The following ROR2 variants were observed in gnomAD, a reference collection of about 807,000 sequenced individuals.
ROR2 encodes tyrosine-protein kinase transmembrane receptor ROR2.
In ROR2, 33 loss-of-function variants were observed where a neutral mutation model predicts 74.9. That is an observed-to-expected ratio of 0.44 (90% CI 0.33 to 0.59). The LOEUF (loss-of-function observed/expected upper bound fraction) is 0.59, where lower values mean the gene tolerates loss of function less well. Among genes scored for constraint, ROR2 ranks in the 20% least tolerant of loss-of-function variants. The probability of loss-of-function intolerance (pLI) is 0.02; values close to 1 mark genes in which losing one functional copy is unlikely to be tolerated. For missense variants in ROR2, 1,216 were observed against 1,313.8 expected (o/e 0.93, Z 1.15); for synonymous variants, 586 against 558.7 (o/e 1.05, Z -0.69).
chr9:91,860,732 G>GT (rs1323330526), intron 1 of ROR2, among the ~76,000 whole-genome samples: 1 of 151,982 alleles, frequency 6.6e-6, no homozygotes, highest in Non-Finnish European at 1.5e-5. Context: ...CACCTTTTTT[G>GT]TTCTATCCAG....
At chr9:91,934,110 G>GC (rs1349476362) in intron 1 of ROR2, among the ~76,000 whole-genome samples, 1 of 152,090 alleles carries the variant, frequency 6.6e-6, no homozygotes, top group Non-Finnish European at 1.5e-5. Context: ...TATGGATGCG[G>GC]GGGGGCGAGT....
chr9:91,907,346 ACCAAATGGACACAGCTG>A (rs1227256513), intron 1 of ROR2, among the ~76,000 whole-genome samples: 1 of 152,126 alleles, frequency 6.6e-6, no homozygotes, highest in Non-Finnish European at 1.5e-5. Context: ...TCCTTCCCAA[ACCAAATGGACACAGCTG>A]TGTCCAAAAT....
intron 1 of ROR2, among the ~76,000 whole-genome samples, chr9:91,911,882 C>T (rs1830990672): frequency 8.0e-6 from 1 of 124,660 alleles, no homozygotes; most frequent in African/African-American, 3.1e-5. Context: ...TGCTACAACA[C>T]AACATTGTAT....
intron 1 of ROR2, among the ~76,000 whole-genome samples, chr9:91,935,374 T>C (rs1413231914): frequency 1.3e-5 from 2 of 152,212 alleles, no homozygotes; most frequent in South Asian, 2.1e-4. Flanking sequence ...GCTTTGGAGA[T>C]GGAACAAAAG....
At chr9:91,850,473 A>G (rs1386305344) in intron 1 of ROR2, among the ~76,000 whole-genome samples, 1 of 152,136 alleles carries the variant, frequency 6.6e-6, no homozygotes, top group East Asian at 1.9e-4. Context: ...ACAAGAAAAG[A>G]CTGTGACGCT....
chr9:91,885,639 G>A (rs1248346667), intron 1 of ROR2, among the ~76,000 whole-genome samples: 1 of 152,108 alleles, frequency 6.6e-6, no homozygotes, highest in African/African-American at 2.4e-5. Flanking sequence ...AGAAATAACA[G>A]GGAACCCTAA....
At chr9:91,784,126 T>A (rs577575769) in intron 1 of ROR2, among the ~76,000 whole-genome samples, 1 of 152,198 alleles carries the variant, frequency 6.6e-6, no homozygotes, top group Admixed American at 6.5e-5. Flanking sequence ...CAGCCCGGCC[T>A]CCCGTTACAC....
At chr9:91,748,852 C>G (rs1825515110) in intron 4 of ROR2, among the ~76,000 whole-genome samples, 1 of 152,064 alleles carries the variant, frequency 6.6e-6, no homozygotes. Flanking sequence ...CATGGTGGAA[C>G]CCTGTCTCTA....
chr9:91,934,426 A>G (rs1010343804), intron 1 of ROR2, among the ~76,000 whole-genome samples: 22 of 152,238 alleles, frequency 1.4e-4, no homozygotes, highest in Non-Finnish European at 2.6e-4. Context: ...GGCCCCAGCC[A>G]AAACTCCCCG....
At chr9:91,818,877 T>A (rs1828035749) in intron 1 of ROR2, among the ~76,000 whole-genome samples, 1 of 151,090 alleles carries the variant, frequency 6.6e-6, no homozygotes, top group Non-Finnish European at 1.5e-5. Context: ...GCCCTACCCA[T>A]GAGCAGCTTG....
chr9:91,946,774 C>G (rs543448983), intron 1 of ROR2, among the ~76,000 whole-genome samples: 1 of 152,158 alleles, frequency 6.6e-6, no homozygotes, highest in East Asian at 1.9e-4. Flanking sequence ...TAACTTTTCC[C>G]ATCCTGGCCT....
At chr9:91,899,764 C>T (rs1017454489) in intron 1 of ROR2, among the ~76,000 whole-genome samples, 2 of 152,146 alleles carry the variant, frequency 1.3e-5, no homozygotes, top group African/African-American at 4.8e-5. Context: ...CACACACAAA[C>T]GTGTGCACAC....
intron 1 of ROR2, among the ~76,000 whole-genome samples, chr9:91,822,345 G>T (rs1828162706): frequency 6.6e-6 from 1 of 152,166 alleles, no homozygotes; most frequent in Non-Finnish European, 1.5e-5. Context: ...GGACGATGTG[G>T]ATGTATAATA....
chr9:91,798,491 T>C (rs1181411762), intron 1 of ROR2, among the ~76,000 whole-genome samples: 1 of 114,492 alleles, frequency 8.7e-6, no homozygotes, highest in African/African-American at 3.8e-5. Flanking sequence ...AATGACACCC[T>C]GGGATCTGTG....
At position 91,940,594 on chromosome 9, in the gene ROR2, CTT is replaced by C. The variant is rs570738211; in HGVS notation, c.97+9271_97+9272del. Among the ~76,000 whole-genome samples, 20 of 142,658 alleles carry C rather than the reference CTT, an allele frequency of 1.4e-4. No individual in the cohort carries two copies. In the South Asian group the frequency reaches 2.5e-3, roughly 18 times the overall value. 93.6% of individuals were successfully genotyped at this position (142,658 alleles called of 152,430 possible). A position where few individuals can be genotyped will look rare whatever the true frequency, so the allele number is the denominator to read the frequency against. On this transcript the variant is annotated intron_variant, in intron 1 of 8. Transcript: ENST00000375708. ...TCCAATAAAATCATAACGTGCAATT[CTT>C]TTTTTTTTTTTTTCTTGAGACAGAG...
Position 91,775,746 on chromosome 9 carries a change from A to G in ROR2, c.170T>C (p.Leu57Pro), listed in dbSNP as rs756391469. 1 of 1,613,998 alleles carries G rather than the reference A, an allele frequency of 6.2e-7. No individual in the cohort carries two copies. Among genetic ancestry groups the G allele is most frequent in the Non-Finnish European group, 8.5e-7 (1 of 1,179,904 alleles). Residue 57 changes from leucine (L) to proline (P), a missense_variant, in exon 2 of 9, where the codon CTG becomes CCG. Physicochemically the swap from Leu to Pro is moderately conservative, Grantham distance 98. Coordinates refer to ENST00000375708, the MANE Select transcript of ROR2 (RefSeq NM_004560.4). ...ACCTGCATGTCCCAGCTCACCTTTCAGAGTTGGAATCGGGCCGTCCTGCCC... is the reference window on the plus strand; with the variant it reads ...ACCTGCATGTCCCAGCTCACCTTTCGGAGTTGGAATCGGGCCGTCCTGCCC... ...LDGQDGPIPT[L>P]KGYFLNFLEP...
intron 1 of ROR2, among the ~76,000 whole-genome samples, chr9:91,939,521 T>C (rs1458923644): frequency 1.3e-5 from 2 of 152,192 alleles, no homozygotes; most frequent in Admixed American, 1.3e-4. Context: ...GTACCTTTTG[T>C]CCCTCGTTTA....
At chr9:91,726,378 C>T (rs539463641) in intron 8 of ROR2, among the ~76,000 whole-genome samples, 163 bp downstream of exon 8, 1 of 152,064 alleles carries the variant, frequency 6.6e-6, no homozygotes, top group East Asian at 1.9e-4. Context: ...GCACACATGT[C>T]CTGATCTAGT....
At chr9:91,774,104 T>G (rs1286431471) in intron 2 of ROR2, among the ~76,000 whole-genome samples, 2 of 152,220 alleles carry the variant, frequency 1.3e-5, no homozygotes, top group Non-Finnish European at 2.9e-5. Flanking sequence ...AGAAAGAAGT[T>G]GAGAATCTAA....
Sources: allele counts gnomAD v4.1 joint callset (sites outside exome capture counted in the v4.1 genomes callset), GRCh38; gene constraint gnomAD v4.1.1; transcripts MANE v1.5; gene names NCBI Gene and HGNC (gene_info 2026-07-23, HGNC 2026-07-21).